NLGN4X: variants seen among roughly 807,000 people sequenced by gnomAD.
NLGN4X encodes neuroligin 4 X-linked.
NLGN4X carries 3 observed loss-of-function variants against 40.3 expected under a neutral mutation model. The ratio of observed to expected loss-of-function variants is 0.07; its 90% CI spans 0.03 to 0.19. NLGN4X has a LOEUF of 0.19. NLGN4X is among the 10% of genes least tolerant of loss of function. NLGN4X has a pLI of 1.00. For missense variants in NLGN4X, 382 were observed against 708.3 expected (o/e 0.54, Z 5.23); for synonymous variants, 270 against 306.8 (o/e 0.88, Z 1.25).
At chrX:5,954,658 CTCTCTCTG>C (rs1367916607) in intron 3 of NLGN4X, among the ~76,000 whole-genome samples, 4 of 108,905 alleles carry the variant, frequency 3.7e-5, no homozygotes, top group Non-Finnish European at 5.7e-5. Context: ...CTCTCTCTCT[CTCTCTCTG>C]TCTCTCTTGC....
chrX:6,151,814 A>C, intron 1 of NLGN4X, 43 bp from the exon 2 acceptor site: 2 of 264,364 alleles, frequency 7.6e-6, no homozygotes, highest in Non-Finnish European at 6.9e-6. Context: ...AAGCCACACA[A>C]CGACCACCTA....
chrX:5,909,522 A>G (rs1034948480), intron 3 of NLGN4X, among the ~76,000 whole-genome samples: 5 of 111,025 alleles, frequency 4.5e-5, no homozygotes, highest in African/African-American at 1.3e-4. Flanking sequence ...ACATGAAGCA[A>G]TCCCAGAAGA....
chrX:5,919,800 T>C (rs1311623315), intron 3 of NLGN4X, among the ~76,000 whole-genome samples: 1 of 111,980 alleles, frequency 8.9e-6, no homozygotes, highest in Non-Finnish European at 1.9e-5. Context: ...AATCAGTCCC[T>C]GGTGCCAAAA....
In NLGN4X at chrX:5,978,251, TAA is replaced by T. The variant is rs769278022; in HGVS notation, c.625+51027_625+51028del. Among the ~76,000 whole-genome samples, 19 of 111,611 alleles carry T rather than the reference TAA, an allele frequency of 1.7e-4. No individual in the cohort carries two copies. The Admixed American group carries it at 1.7e-3, about 10-fold the overall frequency. On this transcript the variant is annotated intron_variant, in intron 3 of 5. Transcript: ENST00000381095. ...AACTAAAGCTGCTTCCAACTGGAAT[TAA>T]AAAGACAGGCGTCTCTTTTTTTCTT...
intron 2 of NLGN4X, among the ~76,000 whole-genome samples, chrX:6,089,790 T>C (rs2038593052): frequency 8.9e-6 from 1 of 112,199 alleles, no homozygotes; most frequent in Non-Finnish European, 1.9e-5. Flanking sequence ...AAGTTGGATA[T>C]GCTTGCTGTA....
chrX:5,896,485 AAT>A (rs2031500779), intron 5 of NLGN4X, among the ~76,000 whole-genome samples: 1 of 111,758 alleles, frequency 8.9e-6, no homozygotes, highest in Non-Finnish European at 1.9e-5. Flanking sequence ...CTGTGAGTAA[AAT>A]TAAAGACTAT....
chrX:5,965,430 T>G (rs1220556795), intron 3 of NLGN4X, among the ~76,000 whole-genome samples: 1 of 112,230 alleles, frequency 8.9e-6, no homozygotes, highest in African/African-American at 3.2e-5. Context: ...GGAGGCACTC[T>G]ATAGAATGTG....
chrX:5,991,383 G>A, intron 3 of NLGN4X: 1 of 505,446 alleles, frequency 2.0e-6, no homozygotes, highest in Non-Finnish European at 3.6e-6. Flanking sequence ...CCAGAGAAGT[G>A]AGAGGACTGT....
At chrX:5,896,016 AT>A (rs2031468649) in intron 5 of NLGN4X, among the ~76,000 whole-genome samples, 1 of 111,705 alleles carries the variant, frequency 9.0e-6, no homozygotes, top group Non-Finnish European at 1.9e-5. Context: ...TTAGTTATTG[AT>A]TTTTAATATT....
At chrX:6,040,817 G>T (rs1284318173) in intron 2 of NLGN4X, among the ~76,000 whole-genome samples, 2 of 111,931 alleles carry the variant, frequency 1.8e-5, no homozygotes, top group Non-Finnish European at 3.8e-5. Flanking sequence ...GCTTAATTGA[G>T]ATATAATTAA....
chrX:5,922,620 T>C (rs909816972), intron 3 of NLGN4X, among the ~76,000 whole-genome samples: 30 of 111,519 alleles, frequency 2.7e-4, no homozygotes, highest in Middle Eastern at 4.7e-3. Flanking sequence ...CCCAGCACTT[T>C]GGGAGGCTGA....
intron 2 of NLGN4X, among the ~76,000 whole-genome samples, chrX:6,045,280 C>A (rs905969155): frequency 3.6e-5 from 4 of 111,885 alleles, no homozygotes; most frequent in Non-Finnish European, 7.5e-5. Context: ...TCTATATGAT[C>A]AAATTCTGGG....
At chrX:5,986,067 T>C (rs965612143) in intron 3 of NLGN4X, among the ~76,000 whole-genome samples, 5 of 112,077 alleles carry the variant, frequency 4.5e-5, no homozygotes, top group African/African-American at 1.6e-4. Flanking sequence ...AATAGACCTA[T>C]TTTAGTTACT....
intron 2 of NLGN4X, among the ~76,000 whole-genome samples, chrX:6,095,827 T>G (rs1422061283): frequency 9.0e-6 from 1 of 111,641 alleles, no homozygotes; most frequent in Non-Finnish European, 1.9e-5. Flanking sequence ...CCCAAAAGTT[T>G]TAATAGTGCT....
intron 3 of NLGN4X, among the ~76,000 whole-genome samples, chrX:5,974,078 C>T (rs1223081921): frequency 9.0e-6 from 1 of 111,563 alleles, no homozygotes; most frequent in African/African-American, 3.3e-5. Context: ...CTGGCATTTC[C>T]ATGGCTGTTT....
At chrX:6,024,242 C>T (rs1221612930) in intron 3 of NLGN4X, among the ~76,000 whole-genome samples, 1 of 111,273 alleles carries the variant, frequency 9.0e-6, no homozygotes, top group Non-Finnish European at 1.9e-5. Context: ...GGCATAGGTA[C>T]TCAAGTGGGT....
chrX:6,116,440 G>C lies in NLGN4X; in HGVS notation c.472+34555C>G, dbSNP rs191197295. On this transcript the variant is annotated intron_variant, in intron 2 of 5. Transcript: ENST00000381095. ...TTTTTTTTTTTTTTTTTTTGAGACA[G>C]CGTCTCACTCTGTCGCCCAGGCTGG... Among the ~76,000 whole-genome samples, 8 of 52,186 alleles carry C rather than the reference G, an allele frequency of 1.5e-4. No homozygotes were observed. The East Asian group carries it at 5.3e-3, about 35-fold the overall frequency. The allele number at this position is 52,186 out of a possible 115,157, so 45.3% of individuals were successfully genotyped here. A position where few individuals can be genotyped will look rare whatever the true frequency, so the allele number is the denominator to read the frequency against.
intron 1 of NLGN4X, among the ~76,000 whole-genome samples, chrX:6,160,921 AC>A (rs1200348405): frequency 9.7e-6 from 1 of 103,088 alleles, no homozygotes; most frequent in African/African-American, 3.5e-5. Flanking sequence ...TATATAAAAA[AC>A]ATATATATTA....
At chrX:6,009,588 T>C (rs999951896) in intron 3 of NLGN4X, among the ~76,000 whole-genome samples, 45 of 112,321 alleles carry the variant, frequency 4.0e-4, no homozygotes, top group African/African-American at 1.4e-3. Context: ...AAACAACAAT[T>C]AATGCCCTTG....
Sources: gnomAD v4.1 joint callset for allele counts (sites outside exome capture counted in the v4.1 genomes callset) on GRCh38, gnomAD v4.1.1 for gene constraint, MANE v1.5 for transcripts, NCBI Gene and HGNC (gene_info 2026-07-23, HGNC 2026-07-21) for gene names.